The following CDH23 variants were observed in gnomAD, a reference collection of about 807,000 sequenced individuals.
CDH23 encodes the protein cadherin-23.
Under a neutral mutation model 317.1 loss-of-function variants are expected in CDH23, and 189 were observed. The ratio of observed to expected loss-of-function variants is 0.60; its 90% CI spans 0.53 to 0.67. The LOEUF (loss-of-function observed/expected upper bound fraction) is 0.67. Among genes scored for constraint, CDH23 ranks in the 30% least tolerant of loss-of-function variants. The pLI, the probability that CDH23 is intolerant of heterozygous loss-of-function variation, is 0.00. For missense variants in CDH23, 4,401 were observed against 4,592.4 expected (o/e 0.96, Z 1.20); for synonymous variants, 1,839 against 1,876.8 (o/e 0.98, Z 0.52).
intron 38 of CDH23, among the ~76,000 whole-genome samples, chr10:71,777,366 T>C (rs1044945583): frequency 2.6e-5 from 4 of 152,178 alleles, no homozygotes; most frequent in African/African-American, 9.7e-5. Flanking sequence ...ACTAGACCAC[T>C]GTGCTAACAA....
chr10:71,784,406 C>T lies in CDH23; in HGVS notation c.5488C>T (p.Pro1830Ser). 1.2e-6 allele frequency: 2 copies of T among 1,613,272 alleles called. No homozygotes were observed. The highest frequency in any genetic ancestry group is 1.3e-5 in the African/African-American group (1 of 75,050). The change falls in exon 42 of 70, where the codon CCA becomes TCA. Residue 1830 changes from proline to serine, a missense_variant. This residue lies in a region of CDH23 where 3,068 missense variants were observed against 3,203.3 expected (regional missense o/e 0.96). Coordinates refer to ENST00000224721, the MANE Select transcript of CDH23 (RefSeq NM_022124.6). ...CTGTGCCCGTGACCGGGGGATGCCC[C>T]CACTCAGCTCCACAGTGAGTCTGGG... The part of the protein sequence containing the change: ...TICARDRGMP[P>S]LSSTMLVGIR...
At chr10:71,789,288 A>T (rs1397498044) in intron 45 of CDH23, among the ~76,000 whole-genome samples, 2 of 152,172 alleles carry the variant, frequency 1.3e-5, no homozygotes, top group Non-Finnish European at 2.9e-5. Flanking sequence ...GGGTGGTCTG[A>T]GAGCTGCCCC....
At chr10:71,784,443 C>T in intron 42 of CDH23, 23 bp downstream of exon 42, 2 of 1,607,468 alleles carry the variant, frequency 1.2e-6, no homozygotes, top group Non-Finnish European at 1.7e-6. Flanking sequence ...GCCCCACCCG[C>T]TGGCTTCACC....
intron 3 of CDH23, among the ~76,000 whole-genome samples, chr10:71,465,367 C>T (rs963145655): frequency 1.2e-4 from 19 of 152,274 alleles, no homozygotes; most frequent in Non-Finnish European, 2.8e-4. Flanking sequence ...GACCAGTGTT[C>T]TCAATGCCTA....
chr10:71,754,312 C>CCA (rs61434590), intron 38 of CDH23, among the ~76,000 whole-genome samples: 14,894 of 152,210 alleles, frequency 0.098, 850 homozygotes, highest in South Asian at 0.22. Context: ...GAGTGACCCA[C>CCA]TATGGGGCTT....
At chr10:71,594,306 CCTTT>C (rs1186085071) in intron 9 of CDH23, among the ~76,000 whole-genome samples, 47 of 151,588 alleles carry the variant, frequency 3.1e-4, no homozygotes, top group Non-Finnish European at 6.0e-4. Context: ...TTTCTTTCTT[CCTTT>C]CTTTCTTCCT....
chr10:71,778,109 C>A, intron 39 of CDH23, 80 bp from the exon 40 acceptor site: 1 of 1,574,876 alleles, frequency 6.3e-7, no homozygotes, highest in Non-Finnish European at 8.6e-7. Flanking sequence ...AATGTCAGGG[C>A]CTACTTCCCA....
chr10:71,407,451 G>A (rs554417517), intron 1 of CDH23, among the ~76,000 whole-genome samples: 1 of 152,342 alleles, frequency 6.6e-6, no homozygotes, highest in South Asian at 2.1e-4. Flanking sequence ...AGTGAATGAG[G>A]TGGATGGTTT....
chr10:71,583,075 A>G (rs1858756368), intron 9 of CDH23, among the ~76,000 whole-genome samples: 1 of 152,286 alleles, frequency 6.6e-6, no homozygotes, highest in East Asian at 1.9e-4. Flanking sequence ...GGGAGACTCC[A>G]TGAGGAGAGA....
chr10:71,578,033 T>C (rs1193320507), intron 9 of CDH23, 41 bp downstream of exon 9: 1 of 1,543,390 alleles, frequency 6.5e-7, no homozygotes, highest in Admixed American at 1.9e-5. Flanking sequence ...CACCCCTCTG[T>C]CCTCCACCCA....
intron 11 of CDH23, chr10:71,623,000 T>A (rs1730781499): frequency 1.0e-6 from 1 of 972,078 alleles, no homozygotes; most frequent in Admixed American, 6.2e-5. Flanking sequence ...GGGTTAGTTA[T>A]TAATTCAAGC....
chr10:71,598,317 A>T (rs915626126), intron 9 of CDH23, among the ~76,000 whole-genome samples: 4 of 152,226 alleles, frequency 2.6e-5, no homozygotes, highest in South Asian at 4.1e-4. Context: ...TGCCAGGAGC[A>T]GTGCCAAGAG....
At chr10:71,498,314 C>T (rs951988407) in intron 3 of CDH23, among the ~76,000 whole-genome samples, 30 of 152,172 alleles carry the variant, frequency 2.0e-4, no homozygotes, top group Non-Finnish European at 3.8e-4. Flanking sequence ...TGTTCCAAGT[C>T]CTCAACCTCC....
In CDH23 at chr10:71,798,584, T is replaced by C. The variant is rs750286810; in HGVS notation, c.7054+6T>C. 37 of 1,600,800 alleles carry C rather than the reference T, an allele frequency of 2.3e-5. No individual in the cohort carries two copies. Among genetic ancestry groups the C allele is most frequent in the Non-Finnish European group, 3.0e-5 (35 of 1,172,434 alleles). ...GCTGGAGGACTCCTCGGCAGGTAGG[T>C]TAGAAATCTGTCAGAGGAGGGCTGG... On this transcript the variant is annotated splice_donor_region_variant and intron_variant, in intron 50 of 69. Transcript: ENST00000224721.
chr10:71,435,534 C>T (rs1849577460), intron 1 of CDH23, among the ~76,000 whole-genome samples: 1 of 152,210 alleles, frequency 6.6e-6, no homozygotes, highest in African/African-American at 2.4e-5. Flanking sequence ...GGGCTCTAAG[C>T]CAGCACTTGA....
At chr10:71,517,634 G>A (rs988604114) in intron 6 of CDH23, among the ~76,000 whole-genome samples, 7 of 152,218 alleles carry the variant, frequency 4.6e-5, no homozygotes, top group East Asian at 1.9e-4. Context: ...ACTCATGAGC[G>A]TGTCATCTCC....
chr10:71,787,451 C>T (rs1010968063), intron 44 of CDH23, among the ~76,000 whole-genome samples: 3 of 151,390 alleles, frequency 2.0e-5, no homozygotes, highest in Non-Finnish European at 4.4e-5. Context: ...CTATTATGTC[C>T]AATGTTCACT....
At chr10:71,708,273 G>T (rs1292763405) in intron 26 of CDH23, among the ~76,000 whole-genome samples, 2 of 152,176 alleles carry the variant, frequency 1.3e-5, no homozygotes, top group Non-Finnish European at 2.9e-5. Flanking sequence ...CAGCACCCCA[G>T]AGTGGTGGGC....
At chr10:71,570,401 A>T (rs1483892020) in intron 7 of CDH23, among the ~76,000 whole-genome samples, 1 of 152,134 alleles carries the variant, frequency 6.6e-6, no homozygotes, top group Non-Finnish European at 1.5e-5. Context: ...TCAGCAAAGG[A>T]GCTGAGGGCA....
Sources: allele counts gnomAD v4.1 joint callset (sites outside exome capture counted in the v4.1 genomes callset), GRCh38; gene constraint gnomAD v4.1.1; regional missense constraint gnomAD v4.1.1; transcripts MANE v1.5; gene names NCBI Gene and HGNC (gene_info 2026-07-23, HGNC 2026-07-21).